NUMA1: variants seen among roughly 807,000 people sequenced by gnomAD.
NUMA1 encodes SP-H antigen.
In NUMA1, 62 loss-of-function variants were observed where a neutral mutation model predicts 237.1. The observed-to-expected ratio is 0.26, with a 90% CI of 0.21 to 0.32. The LOEUF (loss-of-function observed/expected upper bound fraction) is 0.32, where lower values mean the gene tolerates loss of function less well. Among genes scored for constraint, NUMA1 ranks in the 10% least tolerant of loss-of-function variants. The probability of loss-of-function intolerance (pLI) is 1.00; values close to 1 mark genes in which losing one functional copy is unlikely to be tolerated. For synonymous variants in NUMA1, 1,028 were observed against 1,066.1 expected (o/e 0.96, Z 0.70); for missense variants, 2,533 against 2,666.5 (o/e 0.95, Z 1.10).
At chr11:72,031,671 G>A (rs1940331965) in intron 3 of NUMA1, among the ~76,000 whole-genome samples, 2 of 151,960 alleles carry the variant, frequency 1.3e-5, no homozygotes, top group South Asian at 4.1e-4. Context: ...GGGTGAGGTG[G>A]CTTGCGCCTG....
chr11:72,016,563 G>A lies in NUMA1; in HGVS notation c.1120-33C>T, dbSNP rs150792074. ...TAAATGAGACCCATGTGAACAGAGA[G>A]GGGGAACAGGCACCAGATTACCACA... On this transcript the variant is annotated intron_variant, in intron 13 of 26. Coordinates refer to ENST00000393695, the MANE Select transcript of NUMA1 (RefSeq NM_006185.4). 1.8e-3 allele frequency: 2,828 copies of A among 1,605,982 alleles called. 11 individuals are homozygous for A. The highest frequency in any genetic ancestry group is 0.017 in the African/African-American group (1,237 of 74,902).
chr11:72,016,815 T>C (rs1401270279), intron 13 of NUMA1: 1 of 359,106 alleles, frequency 2.8e-6, no homozygotes, highest in African/African-American at 2.1e-5. Flanking sequence ...CTTCCTCAGA[T>C]AAGTCTTGAG....
Position 72,015,257 on chromosome 11 carries a change from T to C in NUMA1, c.2246A>G (p.Gln749Arg). Residue 749 changes from glutamine (Q) to arginine (R), a missense_variant, in exon 15 of 27, where the codon CAG (glutamine) becomes CGG (arginine). Physicochemically the swap from Gln to Arg is conservative, Grantham distance 43. Transcript: ENST00000393695. This position sits in a 1 kb window ranked among gnomAD's most constrained non-coding sequence, Gnocchi z 4.0. ...CAGCTCCTTTCGTTCCCGCTTATGC[T>C]GCTCCACCAGGCTTCGGGTCTCTGC... Reference protein sequence around the residue: ...LKAETRSLVEQHKRERKELEE... With the variant: ...LKAETRSLVERHKRERKELEE... The C allele has an allele frequency of 6.8e-6, 11 of 1,613,678 alleles. No individual in the cohort carries two copies. Among genetic ancestry groups the C allele is most frequent in the Non-Finnish European group, 9.3e-6 (11 of 1,180,022 alleles).
chr11:72,006,474 A>C (rs541451659), intron 21 of NUMA1, among the ~76,000 whole-genome samples: 1 of 152,084 alleles, frequency 6.6e-6, no homozygotes, highest in Non-Finnish European at 1.5e-5. Flanking sequence ...TCTTCTACGC[A>C]TTTTTTTCAT....
chr11:72,048,333 A>G (rs1227625523), intron 2 of NUMA1, among the ~76,000 whole-genome samples: 13 of 151,732 alleles, frequency 8.6e-5, no homozygotes, highest in Admixed American at 8.6e-4. Flanking sequence ...GCACATTCTC[A>G]GCAAATCAAA....
intron 23 of NUMA1, 51 bp from the exon 24 acceptor site, chr11:72,004,867 G>A (rs767302441): frequency 1.3e-6 from 2 of 1,493,810 alleles, no homozygotes; most frequent in Middle Eastern, 2.0e-4. Context: ...TGGAGATGGA[G>A]GAGGACCTGG....
intron 13 of NUMA1, 92 bp downstream of exon 13, chr11:72,017,591 CTTAA>C: frequency 6.8e-7 from 1 of 1,473,170 alleles, no homozygotes; most frequent in South Asian, 1.1e-5. Context: ...GAGAAAGCAA[CTTAA>C]TACCCAAAGG....
In NUMA1 at chr11:72,023,115, G is replaced by C. The variant is rs954655518; in HGVS notation, c.241C>G (p.Leu81Val). The change falls in exon 6 of 27, where the codon CTG (leucine) becomes GTG (valine). Residue 81 changes from leucine to valine, a missense_variant. Coordinates refer to ENST00000393695, the MANE Select transcript of NUMA1 (RefSeq NM_006185.4). ...NRKHPSSPECLVSAQKVLEGS... is the reference protein window; with the variant it reads ...NRKHPSSPECVVSAQKVLEGS... ...TCTAGCACCTTCTGTGCAGATACCAGGCATTCTGGGGAAGAGGGATGTTTT... is the reference window on the plus strand; with the variant it reads ...TCTAGCACCTTCTGTGCAGATACCACGCATTCTGGGGAAGAGGGATGTTTT... 3 of 1,613,910 alleles carry C rather than the reference G, an allele frequency of 1.9e-6. No individual in the cohort carries two copies. The highest frequency in any genetic ancestry group is 2.5e-6 in the Non-Finnish European group (3 of 1,179,926).
Position 72,049,560 on chromosome 11 carries a change from AATAT to A in NUMA1, c.-32-13589_-32-13586del, listed in dbSNP as rs1555034472. 153 of 41,032 alleles carry A rather than the reference AATAT, an allele frequency of 3.7e-3. 16 individuals are homozygous for A. Among genetic ancestry groups the A allele is most frequent in the African/African-American group, 0.012 (147 of 11,850 alleles). The allele number at this position is 41,032 out of a possible 1,614,324, so 2.5% of individuals were successfully genotyped here. On this transcript the variant is annotated intron_variant, in intron 2 of 26. Transcript: ENST00000393695. ...CCTGTCTAAAAAAAAAAATAATAAT[AATAT>A]ATATATATATATATATATAGTGTGT...
rs370530216 is a variant in NUMA1, at chr11:72,013,767, C to T, written c.3736G>A (p.Gly1246Arg). The change falls in exon 15 of 27, where the codon GGG becomes AGG. Residue 1246 changes from glycine (G) to arginine (R), a missense_variant. Coordinates refer to ENST00000393695, the MANE Select transcript of NUMA1 (RefSeq NM_006185.4). The surrounding 1 kb of genome is among the most constrained non-coding windows in gnomAD (Gnocchi z 6.8). ...AGCCGCTTCAACTCCTTGCTCTCCCCCTCCTTCTCCAGGACCTGGCGATTC... is the reference window on the plus strand; with the variant it reads ...AGCCGCTTCAACTCCTTGCTCTCCCTCTCCTTCTCCAGGACCTGGCGATTC... Reference protein sequence around the residue: ...ILNRQVLEKEGESKELKRLVM... With the variant: ...ILNRQVLEKERESKELKRLVM... 1 of 1,610,060 alleles carries T rather than the reference C, an allele frequency of 6.2e-7. No individual in the cohort carries two copies. The highest frequency in any genetic ancestry group is 8.5e-7 in the Non-Finnish European group (1 of 1,180,020).
chr11:72,066,097 G>A, intron 2 of NUMA1: 1 of 152,286 alleles, frequency 6.6e-6, no homozygotes, highest in Non-Finnish European at 1.5e-5. Context: ...CCTGAGGTCA[G>A]GAGTTTGAGA....
intron 15 of NUMA1, 28 bp from the exon 16 acceptor site, chr11:72,012,470 C>G: frequency 6.2e-7 from 1 of 1,609,316 alleles, no homozygotes; most frequent in Non-Finnish European, 8.5e-7. Context: ...GCAACAGAGA[C>G]AGAGTGAGAT....
intron 2 of NUMA1, chr11:72,068,449 G>A (rs1045672057): frequency 5.7e-4 from 86 of 152,062 alleles, no homozygotes; most frequent in African/African-American, 2.0e-3. Context: ...GTGAAACCCT[G>A]TCTCTACTAA....
chr11:72,012,483 G>A (rs1287218607), intron 15 of NUMA1, 41 bp from the exon 16 acceptor site: 38 of 1,588,396 alleles, frequency 2.4e-5, no homozygotes, highest in Non-Finnish European at 3.2e-5. Context: ...AGTGAGATGA[G>A]GCCAAAGAAG....
intron 2 of NUMA1, chr11:72,062,729 G>C (rs953535752): frequency 6.6e-6 from 1 of 151,564 alleles, no homozygotes; most frequent in East Asian, 2.0e-4. Context: ...AACAAACAAA[G>C]AACAGTGCAT....
rs1376648506 is a variant in NUMA1, at chr11:72,013,231, C to T, written c.4272G>A (p.Gln1424=). Residue 1424 remains glutamine, a synonymous_variant, in exon 15 of 27, where the codon CAG becomes CAA. Transcript: ENST00000393695. This position sits in a 1 kb window ranked among gnomAD's most constrained non-coding sequence, Gnocchi z 6.8. ...AGCTGGCCTTCTCTGCCCGCAGCTG[C>T]TGAGCTGTTCGCTCCTGCTCTGCCA... is the stretch of plus-strand genomic sequence containing the variant. ...QKVAEQERTA[Q]QLRAEKASYA... The T allele has an allele frequency of 6.2e-7, 1 of 1,607,814 alleles. No individual in the cohort carries two copies. The highest frequency in any genetic ancestry group is 8.5e-7 in the Non-Finnish European group (1 of 1,179,954).
intron 2 of NUMA1, among the ~76,000 whole-genome samples, chr11:72,057,922 A>T (rs542648559): frequency 4.1e-5 from 6 of 147,068 alleles, no homozygotes; most frequent in African/African-American, 1.5e-4. Flanking sequence ...AAAAAAAAAA[A>T]TAGCTAGGCG....
chr11:72,036,787 C>A (rs1941066014), intron 2 of NUMA1, among the ~76,000 whole-genome samples: 1 of 152,168 alleles, frequency 6.6e-6, no homozygotes, highest in Non-Finnish European at 1.5e-5. Context: ...TGAGATTCTG[C>A]CACCTGCCTG....
chr11:72,052,276 T>C (rs1182959066), intron 2 of NUMA1, among the ~76,000 whole-genome samples: 6 of 152,138 alleles, frequency 3.9e-5, no homozygotes, highest in Non-Finnish European at 8.8e-5. Flanking sequence ...AGGGACTAAC[T>C]CAGGATGGGA....
Sources: gnomAD v4.1 joint callset for allele counts (sites outside exome capture counted in the v4.1 genomes callset) on GRCh38, gnomAD v4.1.1 for gene constraint, Gnocchi (gnomAD v3.1) non-coding constraint, MANE v1.5 for transcripts, NCBI Gene and HGNC (gene_info 2026-07-23, HGNC 2026-07-21) for gene names.